The following TMEM116 variants were observed in gnomAD, a reference collection of about 807,000 sequenced individuals.
The protein encoded by TMEM116 is transmembrane protein 116.
In TMEM116, 38 loss-of-function variants were observed where a neutral mutation model predicts 44.3. That is an observed-to-expected ratio of 0.86 (90% CI 0.66 to 1.12). TMEM116 has a LOEUF of 1.12. TMEM116 is among the 50% of genes most tolerant of loss of function. The pLI is 0.00. For missense variants in TMEM116, 354 were observed against 401.7 expected, an observed-to-expected ratio of 0.88 and a Z score of 1.01; for synonymous variants, 132 against 144.8, an observed-to-expected ratio of 0.91 and a Z score of 0.64.
chr12:111,978,101 TA>T (rs761114406), intron 4 of TMEM116, among the ~76,000 whole-genome samples: 569 of 138,082 alleles, frequency 4.1e-3, no homozygotes, highest in Middle Eastern at 7.6e-3. Context: ...TAGAGTAGAT[TA>T]AAAAAAAAAA....
intron 4 of TMEM116, among the ~76,000 whole-genome samples, chr12:111,956,889 T>C (rs2074140069): frequency 6.6e-6 from 1 of 152,162 alleles, no homozygotes; most frequent in Non-Finnish European, 1.5e-5. Context: ...CCACCTGCCT[T>C]GGCCTCCCAA....
intron 3 of TMEM116, among the ~76,000 whole-genome samples, chr12:111,998,901 C>T (rs2077074610): frequency 6.6e-6 from 1 of 152,114 alleles, no homozygotes; most frequent in African/African-American, 2.4e-5. Flanking sequence ...AAGTCTTTGG[C>T]AGGGCAAAGG....
chr12:111,993,701 T>C (rs370822448), intron 3 of TMEM116: 1 of 623,220 alleles, frequency 1.6e-6, no homozygotes, highest in South Asian at 1.5e-5. Flanking sequence ...TAAGGTACTG[T>C]TGAAGCATTG....
intron 8 of TMEM116, 56 bp downstream of exon 8, chr12:111,936,636 G>C (rs771032605): frequency 1.9e-6 from 3 of 1,584,956 alleles, no homozygotes; most frequent in Non-Finnish European, 1.7e-6. Flanking sequence ...GGGAATACTG[G>C]CCCATCCCCT....
intron 4 of TMEM116, among the ~76,000 whole-genome samples, chr12:111,945,106 A>G (rs1424071461): frequency 6.6e-6 from 1 of 150,684 alleles, no homozygotes; most frequent in Non-Finnish European, 1.5e-5. Flanking sequence ...GCAAGCCTTT[A>G]AAAAACAGGC....
At chr12:111,942,297 GTCTC>G (rs1293677098) in intron 5 of TMEM116, among the ~76,000 whole-genome samples, 5 of 148,402 alleles carry the variant, frequency 3.4e-5, no homozygotes, top group South Asian at 2.2e-4. Flanking sequence ...TTGAGACGGA[GTCTC>G]TCTCTGTCGC....
At chr12:112,011,488 T>C (rs967016929) in intron 1 of TMEM116, 3 of 152,354 alleles carry the variant, frequency 2.0e-5, no homozygotes, top group African/African-American at 7.2e-5. Context: ...GTAAGTCCCT[T>C]ACAATGCATT....
At position 111,951,584 on chromosome 12, in the gene TMEM116, C is replaced by G. The variant is rs528872674; in HGVS notation, c.211-8215G>C. On this transcript the variant is annotated intron_variant, in intron 4 of 10. Transcript: ENST00000552374. ...CATAGAAACAGGAAACCAAATACCA[C>G]ATGTTCTCATAAGTGGGAGCTAAAT... Among the ~76,000 whole-genome samples the G allele has an allele frequency of 2.0e-5, 3 of 152,244 alleles. No homozygotes were observed. The South Asian group carries it at 6.2e-4, about 32-fold the overall frequency.
chr12:111,953,450 G>A (rs2073878835), intron 4 of TMEM116, among the ~76,000 whole-genome samples: 1 of 152,190 alleles, frequency 6.6e-6, no homozygotes, highest in Non-Finnish European at 1.5e-5. Flanking sequence ...AGTCACTCGG[G>A]TCAAATCCCT....
At chr12:111,933,804 C>A (rs976147687) in intron 9 of TMEM116, 82 bp downstream of exon 9, 23 of 1,552,058 alleles carry the variant, frequency 1.5e-5, no homozygotes, top group Non-Finnish European at 2.0e-5. Context: ...CCTCAGCCAT[C>A]CTTCTTAGTG....
intron 3 of TMEM116, among the ~76,000 whole-genome samples, chr12:112,002,540 C>T (rs1013850018): frequency 4.1e-5 from 6 of 147,960 alleles, no homozygotes; most frequent in South Asian, 2.1e-4. Context: ...ACTCCAGCCT[C>T]GGCGACACAG....
chr12:111,974,642 G>A (rs369169930), intron 4 of TMEM116, among the ~76,000 whole-genome samples: 1 of 143,130 alleles, frequency 7.0e-6, no homozygotes, highest in South Asian at 2.2e-4. Flanking sequence ...GCGACAGAGT[G>A]AGACTCTGTC....
In TMEM116 at chr12:111,993,791, T is replaced by C. The variant is rs981311958; in HGVS notation, c.79-1902A>G. The C allele has an allele frequency of 3.4e-5, 25 of 733,610 alleles. No homozygotes were observed. In the Middle Eastern group the frequency reaches 1.5e-3, roughly 43 times the overall value. 45.4% of individuals were successfully genotyped at this position (733,610 alleles called of 1,614,324 possible). A position where few individuals can be genotyped will look rare whatever the true frequency, so the allele number is the denominator to read the frequency against. On this transcript the variant is annotated intron_variant, in intron 3 of 10. Coordinates refer to ENST00000552374, the MANE Select transcript of TMEM116 (RefSeq NM_001193531.2). The stretch of plus-strand genomic sequence containing the variant: ...GTTGTAACATTTGTAGCAGGTTACA[T>C]ACCTGGAGTGTTTTGTGCAATTGTT...
chr12:112,007,280 G>A (rs921636481), intron 1 of TMEM116, among the ~76,000 whole-genome samples: 4 of 152,184 alleles, frequency 2.6e-5, no homozygotes, highest in Non-Finnish European at 4.4e-5. Context: ...CAGGCGGGGT[G>A]GCATGCGCCT....
rs61637468 is a variant in TMEM116 at position 111,958,277 on chromosome 12, T to TAAAAAAAAAA, written c.211-14918_211-14909dup. 3.6e-4 allele frequency among the ~76,000 whole-genome samples: 10 copies of TAAAAAAAAAA among 27,520 alleles called. 1 individual carries two copies. The highest frequency in any genetic ancestry group is 8.1e-4 in the Non-Finnish European group (9 of 11,052). The allele number at this position is 27,520 out of a possible 152,430, so 18.1% of individuals were successfully genotyped here. A position where few individuals can be genotyped will look rare whatever the true frequency, so the allele number is the denominator to read the frequency against. ...ACACCCACGAATGATCAATAAATAC[T>TAAAAAAAAAA]AAAAAAAAAAAAAAAAAAAAAAAAA... On this transcript the variant is annotated intron_variant, in intron 4 of 10. Transcript: ENST00000552374.
chr12:112,000,583 G>A (rs928331807), intron 3 of TMEM116, among the ~76,000 whole-genome samples: 1 of 150,434 alleles, frequency 6.6e-6, no homozygotes, highest in Non-Finnish European at 1.5e-5. Flanking sequence ...CTGGAGTGCA[G>A]TGGCCCGATC....
At chr12:111,997,096 G>A (rs962611934) in intron 3 of TMEM116, among the ~76,000 whole-genome samples, 5 of 152,230 alleles carry the variant, frequency 3.3e-5, no homozygotes, top group African/African-American at 1.2e-4. Flanking sequence ...AGGGAGAGCT[G>A]TGATTGGGAA....
intron 4 of TMEM116, among the ~76,000 whole-genome samples, chr12:111,961,216 C>G (rs1015132234): frequency 3.9e-5 from 6 of 152,098 alleles, no homozygotes; most frequent in Admixed American, 1.3e-4. Context: ...CAGGACCAGA[C>G]AGATTCACAG....
At chr12:111,931,875 G>T in intron 10 of TMEM116, 48 bp from the exon 11 acceptor site, 1 of 1,315,880 alleles carries the variant, frequency 7.6e-7, no homozygotes, top group South Asian at 1.6e-5. Flanking sequence ...GGTTTTCAGG[G>T]ATCCAGGGAA....
Sources: allele counts gnomAD v4.1 joint callset (sites outside exome capture counted in the v4.1 genomes callset), GRCh38; gene constraint gnomAD v4.1.1; transcripts MANE v1.5; gene names NCBI Gene and HGNC (gene_info 2026-07-23, HGNC 2026-07-21).